JMY: variants seen among roughly 807,000 people sequenced by gnomAD.
The protein encoded by JMY is junction mediating and regulatory protein, p53 cofactor.
JMY carries 46 observed loss-of-function variants against 103.3 expected under a neutral mutation model. The observed-to-expected ratio is 0.45, with a 90% CI of 0.35 to 0.57. JMY has a LOEUF of 0.57. Among genes scored for constraint, JMY ranks in the 20% least tolerant of loss-of-function variants. JMY has a pLI of 0.00. For synonymous variants in JMY, 526 were observed against 489.3 expected (o/e 1.07, Z -0.99); for missense variants, 1,238 against 1,255.2 (o/e 0.99, Z 0.21).
chr5:79,236,661 C>T lies in JMY; in HGVS notation c.11C>T (p.Ala4Val). 2 of 1,459,688 alleles carry T rather than the reference C, an allele frequency of 1.4e-6. No homozygotes were observed. The highest frequency in any genetic ancestry group is 2.8e-5 in the South Asian group (2 of 72,636). The allele number at this position is 1,459,688 out of a possible 1,614,324, so 90.4% of individuals were successfully genotyped here. A position where few individuals can be genotyped will look rare whatever the true frequency, so the allele number is the denominator to read the frequency against. MSF[A>V]LEETLESDWV... ...GAAGCCGGAGCCACCATGTCGTTCG[C>T]GCTGGAGGAGACGCTCGAGTCGGAC... Residue 4 changes from alanine to valine, a missense_variant, in exon 1 of 11, where the codon GCG (alanine) becomes GTG (valine). By Grantham distance (64) the Ala-to-Val change is moderately conservative (BLOSUM62 0). Transcript: ENST00000396137.
At chr5:79,316,849 T>C (rs1011995244) in intron 10 of JMY, among the ~76,000 whole-genome samples, 24 of 138,358 alleles carry the variant, frequency 1.7e-4, no homozygotes, top group Admixed American at 3.3e-4. Context: ...GAGGTTGCAG[T>C]GAGCTGAGAT....
chr5:79,246,131 T>A (rs747976380), intron 1 of JMY, among the ~76,000 whole-genome samples: 16 of 152,236 alleles, frequency 1.1e-4, no homozygotes, highest in Non-Finnish European at 1.6e-4. Context: ...TTTTCTGTTC[T>A]TTTTTCACTT....
Position 79,322,308 on chromosome 5 carries a change from ACT to A in JMY, c.*709_*710del, listed in dbSNP as rs1265882730. 1 of 151,964 alleles carries A rather than the reference ACT, an allele frequency of 6.6e-6. No homozygotes were observed. The highest frequency in any genetic ancestry group is 6.6e-5 in the Admixed American group (1 of 15,244). 9.4% of individuals were successfully genotyped at this position (151,964 alleles called of 1,614,324 possible). On this transcript the variant is annotated 3_prime_UTR_variant, in exon 11 of 11. Coordinates refer to ENST00000396137, the MANE Select transcript of JMY (RefSeq NM_152405.5). ...TTTGAAGTTTCCGTGCTTTTAAATC[ACT>A]CTTCATATTTCTTGAATTTATAATA...
chr5:79,241,748 G>T (rs1007524036), intron 1 of JMY, among the ~76,000 whole-genome samples: 2 of 152,146 alleles, frequency 1.3e-5, no homozygotes, highest in African/African-American at 4.8e-5. Context: ...CCAAGTGAAA[G>T]GTGAAATTTG....
chr5:79,268,271 A>T (rs1004478134), intron 1 of JMY, among the ~76,000 whole-genome samples: 2 of 152,204 alleles, frequency 1.3e-5, no homozygotes, highest in African/African-American at 4.8e-5. Flanking sequence ...CAAAGTAAAT[A>T]AAAAATAAGA....
chr5:79,310,744 A>G (rs994570714), intron 7 of JMY, among the ~76,000 whole-genome samples: 36 of 152,224 alleles, frequency 2.4e-4, no homozygotes, highest in African/African-American at 8.7e-4. Context: ...TATTAATACT[A>G]CTATTTTAAA....
At chr5:79,301,559 G>A (rs770000979) in intron 6 of JMY, among the ~76,000 whole-genome samples, 2 of 152,148 alleles carry the variant, frequency 1.3e-5, no homozygotes, top group African/African-American at 4.8e-5. Context: ...TTTTGAAATA[G>A]ATAGCTCTTG....
chr5:79,313,228 G>C (rs1747105226), intron 8 of JMY, among the ~76,000 whole-genome samples: 1 of 152,154 alleles, frequency 6.6e-6, no homozygotes, highest in Non-Finnish European at 1.5e-5. Flanking sequence ...GGGAGTTCAA[G>C]ACCAGCCTGG....
chr5:79,264,485 T>C (rs184360564), intron 1 of JMY, among the ~76,000 whole-genome samples: 1 of 151,836 alleles, frequency 6.6e-6, no homozygotes, highest in East Asian at 1.9e-4. Context: ...TACCTCACTG[T>C]AGGAGGTAAA....
intron 1 of JMY, among the ~76,000 whole-genome samples, chr5:79,270,635 A>ATAAATATTTATATAAAATATATTTACG (rs1745750544): frequency 7.1e-6 from 1 of 141,140 alleles, no homozygotes; most frequent in African/African-American, 2.7e-5. Flanking sequence ...ATATATTTAC[A>ATAAATATTTATATAAAATATATTTACG]TAAATATTTA....
At chr5:79,318,761 T>TATATAGAGAGAG (rs1218912301) in intron 10 of JMY, among the ~76,000 whole-genome samples, 3 of 53,612 alleles carry the variant, frequency 5.6e-5, no homozygotes, top group African/African-American at 3.3e-4. Flanking sequence ...TATATATATA[T>TATATAGAGAGAG]AGAGAGAGAG....
Position 79,260,182 on chromosome 5 carries a change from G to C in JMY, c.1033-17728G>C, listed in dbSNP as rs577315806. ...AAGTCCTAGCTGTACCCTTCAGCCAGGTGCTCACAGACCCTTGGGATGCGG... is the reference window on the plus strand; with the variant it reads ...AAGTCCTAGCTGTACCCTTCAGCCACGTGCTCACAGACCCTTGGGATGCGG... On this transcript the variant is annotated intron_variant, in intron 1 of 10. Coordinates refer to ENST00000396137, the MANE Select transcript of JMY (RefSeq NM_152405.5). Among the ~76,000 whole-genome samples, 13 of 152,348 alleles carry C rather than the reference G, an allele frequency of 8.5e-5. No individual in the cohort carries two copies. In the South Asian group the frequency reaches 2.7e-3, roughly 32 times the overall value.
chr5:79,252,936 G>A (rs1420684345), intron 1 of JMY, among the ~76,000 whole-genome samples: 1 of 152,122 alleles, frequency 6.6e-6, no homozygotes, highest in Non-Finnish European at 1.5e-5. Flanking sequence ...TTATTGATAA[G>A]TACCTTATTC....
At chr5:79,258,257 A>G (rs1449510140) in intron 1 of JMY, among the ~76,000 whole-genome samples, 1 of 151,692 alleles carries the variant, frequency 6.6e-6, no homozygotes, top group African/African-American at 2.4e-5. Context: ...AAATAAAAAT[A>G]TCAGTTTGGA....
intron 1 of JMY, 37 bp downstream of exon 1, chr5:79,237,719 C>T (rs762388766): frequency 7.7e-6 from 12 of 1,562,002 alleles, no homozygotes; most frequent in African/African-American, 4.1e-5. Context: ...CTCTACTGGT[C>T]GCTTTTGGTT....
In JMY at chr5:79,237,184, C is replaced by T. The variant is rs1465089417; in HGVS notation, c.534C>T (p.Ser178=). ...CGGCGCCCAGAGAGGCCCAGGTGTC[C>T]TCTGTACGGATAGTGAGCGCCTCTG... The part of the protein sequence containing the change: ...ARPAPREAQV[S]SVRIVSASGT... Residue 178 remains serine, a synonymous_variant, in exon 1 of 11, where the codon TCC becomes TCT. Transcript: ENST00000396137. The T allele has an allele frequency of 1.3e-6, 2 of 1,550,360 alleles. No homozygotes were observed. The highest frequency in any genetic ancestry group is 1.2e-5 in the South Asian group (1 of 84,062).
At chr5:79,272,658 G>GAAAGAACAAA (rs1745818918) in intron 1 of JMY, among the ~76,000 whole-genome samples, 1 of 152,076 alleles carries the variant, frequency 6.6e-6, no homozygotes, top group Admixed American at 6.6e-5. Context: ...TTAAGAGACA[G>GAAAGAACAAA]GGCTTTGTTC....
In JMY at chr5:79,291,054, T is replaced by C; in HGVS notation, c.1358-76T>C. Reference sequence around the variant, plus strand: ...GCAGGATTTGTTTCTCTTTGTGTGGTCAGTGAAATCTTTTTCAAATGCTTC... The same window carrying C: ...GCAGGATTTGTTTCTCTTTGTGTGGCCAGTGAAATCTTTTTCAAATGCTTC... On this transcript the variant is annotated intron_variant, in intron 3 of 10. Transcript: ENST00000396137. 3 of 992,054 alleles carry C rather than the reference T, an allele frequency of 3.0e-6. No individual in the cohort carries two copies. In the South Asian group the frequency reaches 6.5e-5, roughly 22 times the overall value. The allele number at this position is 992,054 out of a possible 1,614,324, so 61.5% of individuals were successfully genotyped here.
chr5:79,301,001 T>C, intron 6 of JMY, 138 bp downstream of exon 6: 1 of 660,660 alleles, frequency 1.5e-6, no homozygotes, highest in Non-Finnish European at 2.5e-6. Flanking sequence ...GCGTTTATAG[T>C]GCTCTGAGAA....
Sources: gnomAD v4.1 joint callset for allele counts (sites outside exome capture counted in the v4.1 genomes callset) on GRCh38, gnomAD v4.1.1 for gene constraint, MANE v1.5 for transcripts, NCBI Gene and HGNC (gene_info 2026-07-23, HGNC 2026-07-21) for gene names.